The following C8orf88 variants were observed in gnomAD, a reference collection of about 807,000 sequenced individuals.
C8orf88 encodes chromosome 8 open reading frame 88, also known as uncharacterized protein C8orf88.
Under a neutral mutation model 18.4 loss-of-function variants are expected in C8orf88, and 14 were observed. That is an observed-to-expected ratio of 0.76 (90% confidence interval 0.50 to 1.19). The LOEUF (loss-of-function observed/expected upper bound fraction) is 1.19. Ranked by LOEUF, C8orf88 falls within the 50% of genes most tolerant of loss-of-function variation. C8orf88 has a pLI of 0.00. For missense variants in C8orf88, 116 were observed against 134.7 expected (o/e 0.86, Z 0.69); for synonymous variants, 45 against 42.9 (o/e 1.05, Z -0.19).
intron 4 of C8orf88, 27 bp downstream of exon 4, chr8:90,971,039 A>G (rs1811274160): frequency 1.5e-6 from 2 of 1,378,244 alleles, no homozygotes; most frequent in Non-Finnish European, 2.0e-6. Flanking sequence ...TTCAATGATA[A>G]AATTGGGAAT....
chr8:90,970,237 G>T (rs1260724433), intron 4 of C8orf88, among the ~76,000 whole-genome samples: 1 of 151,838 alleles, frequency 6.6e-6, no homozygotes, highest in Non-Finnish European at 1.5e-5. Context: ...GTGAAGAAGT[G>T]AAGAAACTGA....
chr8:90,968,134 C>T (rs1811229827), intron 4 of C8orf88, among the ~76,000 whole-genome samples: 1 of 151,508 alleles, frequency 6.6e-6, no homozygotes, highest in Non-Finnish European at 1.5e-5. Flanking sequence ...GGAAAAAGAA[C>T]AAAGTTAGAA....
At chr8:90,967,965 G>A (rs2130307910) in intron 4 of C8orf88, among the ~76,000 whole-genome samples, 1 of 151,864 alleles carries the variant, frequency 6.6e-6, no homozygotes, top group African/African-American at 2.4e-5. Flanking sequence ...TGGATTGTCA[G>A]ATTTAATATT....
At chr8:90,963,584 G>A (rs2130302282) in intron 4 of C8orf88, among the ~76,000 whole-genome samples, 1 of 151,796 alleles carries the variant, frequency 6.6e-6, no homozygotes, top group Non-Finnish European at 1.5e-5. Context: ...TGAGAAGAGT[G>A]TCTCATTAAA....
chr8:90,980,599 T>G, intron 1 of C8orf88, 138 bp from the exon 2 acceptor site: 1 of 519,422 alleles, frequency 1.9e-6, no homozygotes, highest in Non-Finnish European at 3.4e-6. Context: ...AAAAAGCATT[T>G]AATATGCAAT....
At chr8:90,971,335 GT>G (rs138114279) in intron 3 of C8orf88, among the ~76,000 whole-genome samples, 194 bp from the exon 4 acceptor site, 4,941 of 151,864 alleles carry the variant, frequency 0.033, 263 homozygotes, top group African/African-American at 0.11. Context: ...TATATCTACA[GT>G]TTTTTTGGCA....
intron 3 of C8orf88, among the ~76,000 whole-genome samples, chr8:90,972,550 A>C (rs1811298127): frequency 6.6e-6 from 1 of 152,130 alleles, no homozygotes; most frequent in Non-Finnish European, 1.5e-5. Flanking sequence ...GTCTGTACAT[A>C]TTAAAAACTT....
chr8:90,974,940 T>C (rs1327279696), intron 3 of C8orf88, among the ~76,000 whole-genome samples: 1 of 152,156 alleles, frequency 6.6e-6, no homozygotes, highest in Non-Finnish European at 1.5e-5. Flanking sequence ...AAATCAATTA[T>C]TTTTCTAAAC....
At chr8:90,982,371 G>T (rs1811446248) in intron 1 of C8orf88, among the ~76,000 whole-genome samples, 1 of 152,116 alleles carries the variant, frequency 6.6e-6, no homozygotes, top group Non-Finnish European at 1.5e-5. Flanking sequence ...AGCTATTTTA[G>T]TTAAGACCCT....
intron 4 of C8orf88, 32 bp downstream of exon 4, chr8:90,971,034 T>C: frequency 7.7e-7 from 1 of 1,304,102 alleles, no homozygotes; most frequent in Non-Finnish European, 1.1e-6. Context: ...AGACATTCAA[T>C]GATAAAATTG....
At chr8:90,960,707 A>C in intron 5 of C8orf88, 35 bp downstream of exon 5, 1 of 1,197,264 alleles carries the variant, frequency 8.4e-7, no homozygotes, top group Non-Finnish European at 1.2e-6. Context: ...ATTTTGTAAT[A>C]TAATATTACA....
At chr8:90,971,974 G>T (rs1811290230) in intron 3 of C8orf88, among the ~76,000 whole-genome samples, 1 of 152,008 alleles carries the variant, frequency 6.6e-6, no homozygotes, top group Non-Finnish European at 1.5e-5. Context: ...TACAAACTTG[G>T]TTAATACTAT....
chr8:90,978,000 G>C (rs889621184), intron 3 of C8orf88, among the ~76,000 whole-genome samples: 4 of 151,978 alleles, frequency 2.6e-5, no homozygotes, highest in African/African-American at 7.2e-5. Context: ...ATAGTATCTA[G>C]GTAAGAAACT....
intron 3 of C8orf88, among the ~76,000 whole-genome samples, chr8:90,971,515 T>C (rs910856962): frequency 1.3e-5 from 2 of 152,082 alleles, no homozygotes; most frequent in African/African-American, 4.8e-5. Flanking sequence ...TCTGCAATAA[T>C]ACTAGAGTAT....
At chr8:90,974,755 T>C (rs907361809) in intron 3 of C8orf88, among the ~76,000 whole-genome samples, 10 of 152,158 alleles carry the variant, frequency 6.6e-5, no homozygotes, top group Admixed American at 2.0e-4. Flanking sequence ...ATTCTTTCTT[T>C]TAGTTTTTAA....
chr8:90,964,002 C>T (rs1019338075), intron 4 of C8orf88, among the ~76,000 whole-genome samples: 1 of 151,668 alleles, frequency 6.6e-6, no homozygotes, highest in Non-Finnish European at 1.5e-5. Flanking sequence ...CAACCCCCAA[C>T]TTATGATGGT....
rs747081124 is a variant in C8orf88, at chr8:90,980,383, C to T, written c.53G>A (p.Arg18His). The stretch of plus-strand genomic sequence containing the variant: ...CTCACCTGGGGGAGAAGTCAGATGA[C>T]GAACAGGTCTTGCTGGTTGAAGCGG... Reference protein sequence around the residue: ...GKPLQPARPVRHLTSPPGAVF... With the variant: ...GKPLQPARPVHHLTSPPGAVF... The change falls in exon 2 of 6, where the codon CGT becomes CAT. Residue 18 changes from arginine to histidine, a missense_variant. Transcript: ENST00000517562. The T allele has an allele frequency of 7.8e-5, 120 of 1,531,536 alleles. No individual in the cohort carries two copies. The highest frequency in any genetic ancestry group is 1.0e-4 in the Admixed American group (5 of 50,108). The allele number at this position is 1,531,536 out of a possible 1,614,324, so 94.9% of individuals were successfully genotyped here. A position where few individuals can be genotyped will look rare whatever the true frequency, so the allele number is the denominator to read the frequency against.
chr8:90,982,316 C>T (rs1811445143), intron 1 of C8orf88, among the ~76,000 whole-genome samples: 2 of 152,000 alleles, frequency 1.3e-5, no homozygotes, highest in Non-Finnish European at 2.9e-5. Context: ...AAAATAAGGA[C>T]CAAAAAGCAA....
chr8:90,971,687 G>A (rs905846127), intron 3 of C8orf88, among the ~76,000 whole-genome samples: 1 of 151,900 alleles, frequency 6.6e-6, no homozygotes, highest in Admixed American at 6.6e-5. Flanking sequence ...GAAGAGAGAC[G>A]CCTTAGTGCA....
Sources: allele counts gnomAD v4.1 joint callset (sites outside exome capture counted in the v4.1 genomes callset), GRCh38; gene constraint gnomAD v4.1.1; transcripts MANE v1.5; gene names NCBI Gene and HGNC (gene_info 2026-07-23, HGNC 2026-07-21).